MEOX1: variants seen among roughly 807,000 people sequenced by gnomAD.
The protein encoded by MEOX1 is homeobox protein MOX-1.
A neutral mutation model predicts 23.2 loss-of-function variants in MEOX1; 17 were observed. The ratio of observed to expected loss-of-function variants is 0.73; its 90% CI spans 0.50 to 1.10. MEOX1 has a LOEUF of 1.10. Among genes scored for constraint, MEOX1 ranks in the 50% least tolerant of loss-of-function variants. The pLI is 0.00. For missense variants in MEOX1, 333 were observed against 332.2 expected (o/e 1.00, Z -0.02); for synonymous variants, 134 against 135.1 (o/e 0.99, Z 0.06).
intron 1 of MEOX1, among the ~76,000 whole-genome samples, chr17:43,645,472 C>G (rs371144789): frequency 1.3e-5 from 2 of 152,158 alleles, no homozygotes; most frequent in Non-Finnish European, 2.9e-5. Context: ...CCACTGCGCC[C>G]GGTCCATTTT....
At chr17:43,644,505 A>G (rs1013524078) in intron 1 of MEOX1, among the ~76,000 whole-genome samples, 8 of 152,256 alleles carry the variant, frequency 5.3e-5, no homozygotes, top group Non-Finnish European at 1.0e-4. Context: ...TAGTATTAGT[A>G]TCACTTTATG....
At position 43,640,754 on chromosome 17, in the gene MEOX1, C is replaced by T. The variant is rs1214055061; in HGVS notation, c.*1156G>A. 2.0e-5 allele frequency: 3 copies of T among 152,198 alleles called. No individual in the cohort carries two copies. The highest frequency in any genetic ancestry group is 7.2e-5 in the African/African-American group (3 of 41,442). The allele number at this position is 152,198 out of a possible 1,614,324, so 9.4% of individuals were successfully genotyped here. On this transcript the variant is annotated 3_prime_UTR_variant, in exon 3 of 3. Coordinates refer to ENST00000318579, the MANE Select transcript of MEOX1 (RefSeq NM_004527.4). ...CATCTCCAGAAGACCTGGCTGAGGT[C>T]TGGGCAGTCCACACACAAAAACCTA...
At chr17:43,645,251 A>T (rs1289234314) in intron 1 of MEOX1, among the ~76,000 whole-genome samples, 3 of 135,758 alleles carry the variant, frequency 2.2e-5, no homozygotes, top group Non-Finnish European at 3.0e-5. Flanking sequence ...ATCTCGGCTC[A>T]CTGCAAGCTC....
intron 1 of MEOX1, among the ~76,000 whole-genome samples, chr17:43,650,623 GA>G (rs763867282): frequency 3.9e-5 from 6 of 152,308 alleles, no homozygotes; most frequent in Admixed American, 6.5e-5. Context: ...CCCAGAGAGG[GA>G]AAAAGAAGGG....
intron 1 of MEOX1, among the ~76,000 whole-genome samples, chr17:43,655,419 C>T (rs1386480875): frequency 2.0e-5 from 3 of 149,388 alleles, no homozygotes; most frequent in South Asian, 2.1e-4. Context: ...TGCAGTGAGC[C>T]GAGATCGCGC....
intron 1 of MEOX1, among the ~76,000 whole-genome samples, chr17:43,644,414 G>A (rs966584259): frequency 1.1e-4 from 16 of 152,212 alleles, no homozygotes; most frequent in African/African-American, 3.4e-4. Context: ...TGCCAACAGG[G>A]TCAGGGGACA....
chr17:43,647,945 G>C (rs760055519), intron 1 of MEOX1, among the ~76,000 whole-genome samples: 22 of 152,228 alleles, frequency 1.4e-4, no homozygotes, highest in Non-Finnish European at 2.8e-4. Context: ...CAACTTCCCA[G>C]AGTGGGATCA....
At chr17:43,655,549 C>A (rs1972999839) in intron 1 of MEOX1, among the ~76,000 whole-genome samples, 1 of 150,624 alleles carries the variant, frequency 6.6e-6, no homozygotes, top group South Asian at 2.1e-4. Context: ...GGAGGCCAGG[C>A]ATGGTGGCTC....
In MEOX1 at chr17:43,652,825, C is replaced by CTTT. The variant is rs397856379; in HGVS notation, c.469+8238_469+8240dup. Among the ~76,000 whole-genome samples the CTTT allele has an allele frequency of 8.3e-3, 587 of 71,118 alleles. 4 individuals carry two copies. The highest frequency in any genetic ancestry group is 0.014 in the East Asian group (22 of 1,618). 46.7% of individuals were successfully genotyped at this position (71,118 alleles called of 152,430 possible). On this transcript the variant is annotated intron_variant, in intron 1 of 2. Coordinates refer to ENST00000318579, the MANE Select transcript of MEOX1 (RefSeq NM_004527.4). ...TATTTCATTCTCATCTCTACTATTG[C>CTTT]TTTTTTTTTTTTTTTTTTTTTTTTG...
chr17:43,645,170 T>TA lies in MEOX1; in HGVS notation c.470-1511_470-1510insT, dbSNP rs1567742611. The stretch of plus-strand genomic sequence containing the variant: ...TAAAAGACGTTTGCTTCATTAATTA[T>TA]CTTTTTTTTTTTTTTTTTTTTTTTG... On this transcript the variant is annotated intron_variant, in intron 1 of 2. Transcript: ENST00000318579. 5.9e-3 allele frequency among the ~76,000 whole-genome samples: 804 copies of TA among 137,332 alleles called. 11 individuals are homozygous for TA. Among genetic ancestry groups the TA allele is most frequent in the Non-Finnish European group, 9.5e-3 (622 of 65,606 alleles). 90.1% of individuals were successfully genotyped at this position (137,332 alleles called of 152,430 possible).
intron 1 of MEOX1, among the ~76,000 whole-genome samples, chr17:43,655,652 T>C (rs1204508687): frequency 2.6e-5 from 3 of 114,824 alleles, no homozygotes; most frequent in Admixed American, 1.1e-4. Flanking sequence ...AGCAAGACCC[T>C]GTCTTTCTAA....
chr17:43,646,330 G>A (rs1433817846), intron 1 of MEOX1, among the ~76,000 whole-genome samples: 1 of 152,220 alleles, frequency 6.6e-6, no homozygotes, highest in Non-Finnish European at 1.5e-5. Flanking sequence ...GGCCGGGGAG[G>A]GTCGGTCACG....
intron 1 of MEOX1, among the ~76,000 whole-genome samples, chr17:43,648,265 C>G (rs1481572336): frequency 6.6e-6 from 1 of 151,906 alleles, no homozygotes; most frequent in Non-Finnish European, 1.5e-5. Context: ...GTCAGGAGAT[C>G]GAGACCATCC....
intron 1 of MEOX1, among the ~76,000 whole-genome samples, chr17:43,645,899 G>C (rs1972801139): frequency 1.3e-5 from 2 of 152,240 alleles, no homozygotes; most frequent in African/African-American, 4.8e-5. Context: ...CGACTCTCTA[G>C]CAGGAGGCGC....
chr17:43,655,660 TAAAAAAAA>T (rs57762377), intron 1 of MEOX1, among the ~76,000 whole-genome samples: 6 of 75,598 alleles, frequency 7.9e-5, no homozygotes, highest in Admixed American at 1.8e-4. Flanking sequence ...CCTGTCTTTC[TAAAAAAAA>T]AAAAAAAAAA....
In MEOX1 at chr17:43,640,659, T is replaced by C. The variant is rs541289434; in HGVS notation, c.*1251A>G. 6.6e-6 allele frequency: 1 copy of C among 152,286 alleles called. No homozygotes were observed. Among genetic ancestry groups the C allele is most frequent in the Admixed American group, 6.5e-5 (1 of 15,294 alleles). 9.4% of individuals were successfully genotyped at this position (152,286 alleles called of 1,614,324 possible). ...CTCCCTCTGCAACACCAGCTGGTGT[T>C]GGGAGACAGAGCGCTGAGGCAGCCA... On this transcript the variant is annotated 3_prime_UTR_variant, in exon 3 of 3. Transcript: ENST00000318579.
intron 1 of MEOX1, among the ~76,000 whole-genome samples, chr17:43,644,112 C>T (rs1415784910): frequency 6.6e-6 from 1 of 152,188 alleles, no homozygotes; most frequent in Non-Finnish European, 1.5e-5. Flanking sequence ...TCATTCCAGA[C>T]CTACTAAGTC....
At chr17:43,661,001 G>C (rs1973127310) in intron 1 of MEOX1, 65 bp downstream of exon 1, 1 of 1,064,304 alleles carries the variant, frequency 9.4e-7, no homozygotes, top group Non-Finnish European at 1.3e-6. Flanking sequence ...TAGGCACAGA[G>C]AGGGTGAGTA....
intron 1 of MEOX1, among the ~76,000 whole-genome samples, chr17:43,657,304 C>T (rs1322393108): frequency 6.7e-6 from 1 of 149,506 alleles, no homozygotes; most frequent in African/African-American, 2.5e-5. Flanking sequence ...TCCCAAGTAG[C>T]TGGGATTTAC....
Sources: allele counts gnomAD v4.1 joint callset (sites outside exome capture counted in the v4.1 genomes callset), GRCh38; gene constraint gnomAD v4.1.1; transcripts MANE v1.5; gene names NCBI Gene and HGNC (gene_info 2026-07-23, HGNC 2026-07-21).